The following CHLSN variants were observed in gnomAD, a reference collection of about 807,000 sequenced individuals.
The protein encoded by CHLSN is cholesin.
the CHLSN span, chr7:1,028,214 C>A: frequency 9.5e-7 from 1 of 1,047,510 alleles, no homozygotes; most frequent in Non-Finnish European, 1.2e-6. Flanking sequence ...CCCTCCCATC[C>A]CCTCCCTGCA....
chr7:1,031,122 A>G, the CHLSN span, among the ~76,000 whole-genome samples: 3,245 of 152,286 alleles, frequency 0.021, 45 homozygotes, highest in Non-Finnish European at 0.03. Flanking sequence ...AGGAGGGGCC[A>G]AGAGGAAAGG....
the CHLSN span, chr7:997,731 AC>A: frequency 6.2e-7 from 1 of 1,611,430 alleles, no homozygotes; most frequent in Non-Finnish European, 8.5e-7. Context: ...CGCCTTCTGC[AC>A]CGTCAGCTCT....
At chr7:1,092,547 G>A in the CHLSN span, 1 of 1,609,344 alleles carries the variant, frequency 6.2e-7, no homozygotes, top group Non-Finnish European at 8.5e-7. Context: ...TCTGCTGGCT[G>A]CCGGAGAACG....
chr7:1,008,903 TACACAACACAC>T, the CHLSN span, among the ~76,000 whole-genome samples: 1 of 150,368 alleles, frequency 6.7e-6, no homozygotes, highest in African/African-American at 2.5e-5. Context: ...TGCACACACG[TACACAACACAC>T]GTATACACAT....
chr7:1,095,647 C>T, the CHLSN span, among the ~76,000 whole-genome samples: 1 of 152,224 alleles, frequency 6.6e-6, no homozygotes, highest in African/African-American at 2.4e-5. Flanking sequence ...TGGTCTGGTC[C>T]CCACCCCTCA....
the CHLSN span, among the ~76,000 whole-genome samples, chr7:1,119,889 A>AG: frequency 1.9e-3 from 284 of 150,262 alleles, 1 homozygote; most frequent in Middle Eastern, 3.4e-3. Flanking sequence ...AAAAAAAAAA[A>AG]GGGGGATAGA....
chr7:1,036,111 G>C, the CHLSN span, among the ~76,000 whole-genome samples: 10 of 152,242 alleles, frequency 6.6e-5, no homozygotes, highest in Non-Finnish European at 1.2e-4. Context: ...GTGGTGGGGA[G>C]GGAGGGATGA....
At chr7:1,112,083 G>A in the CHLSN span, among the ~76,000 whole-genome samples, 1 of 152,116 alleles carries the variant, frequency 6.6e-6, no homozygotes. Context: ...GTTCGTTTCT[G>A]TTGACCACAA....
the CHLSN span, among the ~76,000 whole-genome samples, chr7:1,060,668 C>T: frequency 6.6e-6 from 1 of 152,218 alleles, no homozygotes; most frequent in Non-Finnish European, 1.5e-5. Context: ...GGAGCTCAGA[C>T]CCGCGGGACA....
the CHLSN span, chr7:1,109,475 A>G: frequency 6.6e-6 from 1 of 152,208 alleles, no homozygotes; most frequent in Non-Finnish European, 1.5e-5. Flanking sequence ...AAAGCATATA[A>G]AAAACTCTTT....
the CHLSN span, chr7:1,127,409 C>T: frequency 6.3e-7 from 1 of 1,589,292 alleles, no homozygotes; most frequent in Admixed American, 1.8e-5. Flanking sequence ...AAGTAAATTG[C>T]TGAAGACAAG....
chr7:998,457 CTTTTTTTT>C, the CHLSN span, among the ~76,000 whole-genome samples: 44 of 95,024 alleles, frequency 4.6e-4, no homozygotes, highest in African/African-American at 1.6e-3. Flanking sequence ...GTCTTAGATT[CTTTTTTTT>C]TTTTTTTTTT....
chr7:1,077,755 C>G, the CHLSN span: 5 of 152,262 alleles, frequency 3.3e-5, no homozygotes, highest in Non-Finnish European at 7.3e-5. Context: ...CTTCTTTACA[C>G]AACTCTAGGT....
the CHLSN span, among the ~76,000 whole-genome samples, chr7:1,126,508 G>C: frequency 1.3e-5 from 2 of 151,878 alleles, no homozygotes; most frequent in Non-Finnish European, 1.5e-5. Context: ...GGTGAAACCC[G>C]GTCTCTATCA....
the CHLSN span, chr7:988,432 G>T: frequency 1.2e-6 from 2 of 1,612,164 alleles, no homozygotes; most frequent in Non-Finnish European, 1.7e-6. Context: ...AGCAGCCCTC[G>T]GGGCCGGGGT....
the CHLSN span, among the ~76,000 whole-genome samples, chr7:1,030,497 A>C: frequency 0.013 from 1,947 of 151,920 alleles, 41 homozygotes; most frequent in African/African-American, 0.041. Context: ...CAGGGGCTTC[A>C]CTCCACTCCA....
At chr7:1,037,447 T>C in the CHLSN span, among the ~76,000 whole-genome samples, 1 of 125,354 alleles carries the variant, frequency 8.0e-6, no homozygotes, top group East Asian at 2.0e-4. Context: ...GGTTTCGCTG[T>C]GTTGGCCGGG....
the CHLSN span, chr7:1,077,861 G>C: frequency 6.6e-6 from 1 of 152,254 alleles, no homozygotes; most frequent in Non-Finnish European, 1.5e-5. Context: ...CTTGGGCAGA[G>C]GGAAATGCTT....
the CHLSN span, chr7:983,497 GC>G: frequency 8.9e-7 from 1 of 1,121,392 alleles, no homozygotes; most frequent in Non-Finnish European, 1.2e-6. Context: ...ATGGTGCCGG[GC>G]CCAGCGGGGC....
Sources: gnomAD v4.1 joint callset for allele counts (sites outside exome capture counted in the v4.1 genomes callset) on GRCh38, gnomAD v4.1.1 for gene constraint, MANE v1.5 for transcripts, NCBI Gene and HGNC (gene_info 2026-07-23, HGNC 2026-07-21) for gene names.